Variants in LHFPL2 observed in about 807,000 individuals in gnomAD.
LHFPL2 encodes LHFPL tetraspan subfamily member 2 protein.
A neutral mutation model predicts 17.5 loss-of-function variants in LHFPL2; 7 were observed. The observed-to-expected ratio is 0.40, with a 90% confidence interval of 0.23 to 0.75. The LOEUF (loss-of-function observed/expected upper bound fraction) is 0.75. Among genes scored for constraint, LHFPL2 ranks in the 30% least tolerant of loss-of-function variants. The pLI, the probability that LHFPL2 is intolerant of heterozygous loss-of-function variation, is 0.37. For synonymous variants in LHFPL2, 134 were observed against 116.2 expected, an observed-to-expected ratio of 1.15 and a Z score of -0.99; for missense variants, 241 against 294.8, an observed-to-expected ratio of 0.82 and a Z score of 1.34.
chr5:78,503,462 C>T (rs528446324), intron 4 of LHFPL2, among the ~76,000 whole-genome samples: 3 of 152,216 alleles, frequency 2.0e-5, no homozygotes, highest in Middle Eastern at 6.8e-3. Context: ...TCTGGGAGGC[C>T]GAGGCAGGTG....
chr5:78,633,848 A>G (rs1477163564), intron 1 of LHFPL2, among the ~76,000 whole-genome samples: 1 of 152,144 alleles, frequency 6.6e-6, no homozygotes, highest in East Asian at 1.9e-4. Context: ...AAGAGAATGC[A>G]TGCTTCTCCT....
chr5:78,491,985 T>G (rs1000630991), intron 4 of LHFPL2, among the ~76,000 whole-genome samples: 1 of 152,190 alleles, frequency 6.6e-6, no homozygotes, highest in African/African-American at 2.4e-5. Flanking sequence ...ATTTAACCAA[T>G]TCTTAAATAT....
At chr5:78,539,844 T>C (rs1458835602) in intron 3 of LHFPL2, among the ~76,000 whole-genome samples, 1 of 151,876 alleles carries the variant, frequency 6.6e-6, no homozygotes, top group Non-Finnish European at 1.5e-5. Context: ...TAAGTTAGCA[T>C]TTTCATTTGC....
intron 3 of LHFPL2, among the ~76,000 whole-genome samples, chr5:78,545,712 T>C (rs916627885): frequency 8.5e-5 from 13 of 152,212 alleles, no homozygotes. Context: ...CAAACCTAAG[T>C]GCCTGTTAAA....
intron 2 of LHFPL2, among the ~76,000 whole-genome samples, chr5:78,606,832 G>A (rs1314671420): frequency 9.2e-5 from 14 of 151,514 alleles, no homozygotes; most frequent in African/African-American, 3.4e-4. Flanking sequence ...CAACCACCAC[G>A]CTCAGCTACT....
At position 78,485,868 on chromosome 5, in the gene LHFPL2, G is replaced by T. The variant is rs1754221152; in HGVS notation, c.*3029C>A. 6.6e-6 allele frequency: 1 copy of T among 152,574 alleles called. No individual in the cohort carries two copies. Among genetic ancestry groups the T allele is most frequent in the Non-Finnish European group, 1.5e-5 (1 of 68,016 alleles). The allele number at this position is 152,574 out of a possible 1,614,324, so 9.5% of individuals were successfully genotyped here. ...GATTATTTTAGACCCAGGAAAAAATGATTTCATACCAGTCTTTTCTTCACA... is the reference window on the plus strand; with the variant it reads ...GATTATTTTAGACCCAGGAAAAAATTATTTCATACCAGTCTTTTCTTCACA... On this transcript the variant is annotated 3_prime_UTR_variant, in exon 5 of 5. Transcript: ENST00000380345.
intron 2 of LHFPL2, among the ~76,000 whole-genome samples, chr5:78,571,974 G>C (rs996842117): frequency 6.6e-6 from 1 of 152,154 alleles, no homozygotes; most frequent in African/African-American, 2.4e-5. Flanking sequence ...GAGAAATAAC[G>C]CACTCTCTCA....
chr5:78,627,439 C>T (rs1745086006), intron 2 of LHFPL2, among the ~76,000 whole-genome samples: 1 of 152,208 alleles, frequency 6.6e-6, no homozygotes. Flanking sequence ...ATGGTGCCAG[C>T]TGGTGGCTAG....
At chr5:78,596,136 C>T (rs1743815234) in intron 2 of LHFPL2, among the ~76,000 whole-genome samples, 1 of 152,208 alleles carries the variant, frequency 6.6e-6, no homozygotes, top group Admixed American at 6.5e-5. Context: ...AAGCAACCCT[C>T]ATGACATCTA....
chr5:78,508,614 G>A lies in LHFPL2; in HGVS notation c.430+1170C>T, dbSNP rs146000080. ...TGTTTATTTGGAAGCCAGCCCTGCT[G>A]AGCTCAAGAGTTTGCTATGAGGCCA... On this transcript the variant is annotated intron_variant, in intron 4 of 4. Coordinates refer to ENST00000380345, the MANE Select transcript of LHFPL2 (RefSeq NM_005779.3). Among the ~76,000 whole-genome samples, 110 of 152,338 alleles carry A rather than the reference G, an allele frequency of 7.2e-4. 1 individual carries two copies. Among genetic ancestry groups the A allele is most frequent in the African/African-American group, 2.6e-3 (107 of 41,578 alleles).
chr5:78,619,034 C>CT (rs200328819), intron 2 of LHFPL2, among the ~76,000 whole-genome samples: 41 of 151,346 alleles, frequency 2.7e-4, no homozygotes, highest in East Asian at 1.9e-4. Context: ...AATCACTTTT[C>CT]TTTTTTTTTG....
At position 78,648,082 on chromosome 5, in the gene LHFPL2, C is replaced by T. The variant is rs553504941; in HGVS notation, c.-350+417G>A. ...AGGGACAGCAGGGGCGACCACGGGG[C>T]GGCCCCCAGGGAGCGGTGCCAGGCG... is the stretch of plus-strand genomic sequence containing the variant. On this transcript the variant is annotated intron_variant, in intron 1 of 4. Coordinates refer to ENST00000380345, the MANE Select transcript of LHFPL2 (RefSeq NM_005779.3). The surrounding 1 kb of genome is among the most constrained non-coding windows in gnomAD (Gnocchi z 5.4). Among the ~76,000 whole-genome samples the T allele has an allele frequency of 1.2e-4, 19 of 152,298 alleles. No individual in the cohort carries two copies. The highest frequency in any genetic ancestry group is 4.3e-4 in the African/African-American group (18 of 41,580).
At chr5:78,559,775 A>G (rs1756674407) in intron 3 of LHFPL2, among the ~76,000 whole-genome samples, 1 of 152,262 alleles carries the variant, frequency 6.6e-6, no homozygotes, top group South Asian at 2.1e-4. Flanking sequence ...AATCGATGGT[A>G]TAAATGTATC....
intron 2 of LHFPL2, among the ~76,000 whole-genome samples, chr5:78,576,220 G>A (rs1048011737): frequency 2.0e-5 from 3 of 152,012 alleles, no homozygotes; most frequent in Non-Finnish European, 4.4e-5. Context: ...GCGTGAGCCC[G>A]GGAGGCGGAG....
chr5:78,520,249 T>C (rs1348158558), intron 3 of LHFPL2, among the ~76,000 whole-genome samples: 3 of 152,098 alleles, frequency 2.0e-5, no homozygotes, highest in Non-Finnish European at 4.4e-5. Flanking sequence ...AGAAGGAAAT[T>C]TGTCCAATGG....
Position 78,495,503 on chromosome 5 carries a change from G to A in LHFPL2, c.431-6350C>T, listed in dbSNP as rs961051251. ...TTAGACACCACACTCCCACTTCCCC[G>A]TCACACAGGCTTCCAGACTAAATAT... On this transcript the variant is annotated intron_variant, in intron 4 of 4. Coordinates refer to ENST00000380345, the MANE Select transcript of LHFPL2 (RefSeq NM_005779.3). 8.7e-4 allele frequency among the ~76,000 whole-genome samples: 132 copies of A among 152,052 alleles called. 2 individuals are homozygous for A. Among genetic ancestry groups the A allele is most frequent in the African/African-American group, 2.9e-3 (122 of 41,400 alleles).
chr5:78,527,540 T>C (rs1185939355), intron 3 of LHFPL2, among the ~76,000 whole-genome samples: 1 of 152,010 alleles, frequency 6.6e-6, no homozygotes, highest in Non-Finnish European at 1.5e-5. Flanking sequence ...TGGACCAGCC[T>C]CCCATCTCGT....
chr5:78,644,212 T>C (rs565910189), intron 1 of LHFPL2: 9 of 632,034 alleles, frequency 1.4e-5, no homozygotes, highest in African/African-American at 5.6e-5. Flanking sequence ...GTGAAATGCA[T>C]ACAGGGAGTT....
chr5:78,634,438 C>T (rs1383012788), intron 1 of LHFPL2, among the ~76,000 whole-genome samples: 2 of 152,238 alleles, frequency 1.3e-5, no homozygotes, highest in African/African-American at 4.8e-5. Context: ...CAGGTTTGGG[C>T]AGCACACTGT....
Sources: gnomAD v4.1 joint callset for allele counts (sites outside exome capture counted in the v4.1 genomes callset) on GRCh38, gnomAD v4.1.1 for gene constraint, Gnocchi (gnomAD v3.1) non-coding constraint, MANE v1.5 for transcripts, NCBI Gene and HGNC (gene_info 2026-07-23, HGNC 2026-07-21) for gene names.